The following DET1 variants were observed in gnomAD, a reference collection of about 807,000 sequenced individuals.
The protein encoded by DET1 is DET1 partner of COP1 E3 ubiquitin ligase.
DET1 carries 22 observed loss-of-function variants against 43.7 expected under a neutral mutation model. That is an observed-to-expected ratio of 0.50 (90% CI 0.36 to 0.72). The LOEUF is 0.72. Among genes scored for constraint, DET1 ranks in the 30% least tolerant of loss-of-function variants. DET1 has a pLI of 0.00. For missense variants in DET1, 713 were observed against 713.3 expected, an observed-to-expected ratio of 1.00 and a Z score of 0.00; for synonymous variants, 315 against 266.2, an observed-to-expected ratio of 1.18 and a Z score of -1.79.
In DET1 at chr15:88,528,787, G is replaced by A. The variant is rs963522143; in HGVS notation, c.1084-1001C>T. Reference sequence around the variant, plus strand: ...TAAATCTCCATTACCAATTTCTGGAGCCATTCGACCCACCTGTTTTACTAG... The same window carrying A: ...TAAATCTCCATTACCAATTTCTGGAACCATTCGACCCACCTGTTTTACTAG... On this transcript the variant is annotated intron_variant, in intron 2 of 4. Coordinates refer to ENST00000268148, the MANE Select transcript of DET1 (RefSeq NM_001144074.3). Among the ~76,000 whole-genome samples, 16 of 152,208 alleles carry A rather than the reference G, an allele frequency of 1.1e-4. 1 individual carries two copies. Among genetic ancestry groups the A allele is most frequent in the Non-Finnish European group, 2.9e-5 (2 of 68,040 alleles).
chr15:88,527,893 A>AAACAACAACAAC (rs3217481), intron 2 of DET1, 107 bp from the exon 3 acceptor site: 2 of 461,050 alleles, frequency 4.3e-6, no homozygotes, highest in Non-Finnish European at 7.1e-6. Flanking sequence ...AATTTTCCAA[A>AAACAACAACAAC]AACAACAACA....
At chr15:88,522,517 T>A (rs2056522379) in intron 3 of DET1, among the ~76,000 whole-genome samples, 1 of 136,608 alleles carries the variant, frequency 7.3e-6, no homozygotes, top group African/African-American at 2.8e-5. Context: ...TCCTGGTTTT[T>A]TTTTTTTTTT....
intron 1 of DET1, among the ~76,000 whole-genome samples, chr15:88,533,330 G>T (rs139868907): frequency 1.7e-3 from 255 of 152,320 alleles, no homozygotes; most frequent in African/African-American, 5.9e-3. Flanking sequence ...CTTGTGCATT[G>T]TTGGTGGAAC....
At chr15:88,523,113 C>T (rs1187099944) in intron 3 of DET1, among the ~76,000 whole-genome samples, 2 of 151,288 alleles carry the variant, frequency 1.3e-5, no homozygotes, top group East Asian at 2.0e-4. Flanking sequence ...TGAGCTCAAG[C>T]GATCAGTCCA....
intron 1 of DET1, among the ~76,000 whole-genome samples, chr15:88,543,561 G>A (rs983631326): frequency 2.6e-5 from 4 of 152,226 alleles, no homozygotes; most frequent in African/African-American, 4.8e-5. Flanking sequence ...ACGCCGCTGT[G>A]TTCACAGATG....
chr15:88,525,987 A>G (rs2056653465), intron 3 of DET1, among the ~76,000 whole-genome samples: 1 of 152,046 alleles, frequency 6.6e-6, no homozygotes, highest in Non-Finnish European at 1.5e-5. Flanking sequence ...GTTACTTGTT[A>G]ATTATCTGCT....
chr15:88,511,356 C>T, downstream of DET1: 1 of 962,880 alleles, frequency 1.0e-6, no homozygotes, highest in South Asian at 4.8e-5. Context: ...CCCAATATCC[C>T]CTCAGTCTAC....
intron 7 of DET1, chr15:88,505,398 A>T (rs1004693657): frequency 6.6e-6 from 1 of 152,242 alleles, no homozygotes; most frequent in African/African-American, 2.4e-5. Flanking sequence ...TTTGTAAAAA[A>T]TCATGTTCAT....
chr15:88,531,146 G>T lies in DET1; in HGVS notation c.560C>A (p.Pro187His), dbSNP rs1339535400. The change falls in exon 2 of 5, where the codon CCT (proline) becomes CAT (histidine). Residue 187 changes from proline to histidine, a missense_variant. Coordinates refer to ENST00000268148, the MANE Select transcript of DET1 (RefSeq NM_001144074.3). The surrounding 1 kb of genome is among the most constrained non-coding windows in gnomAD (Gnocchi z 6.2). The part of the protein sequence containing the change: ...SESVTPNPRS[P>H]LEDYSLHIID... ...GATATGGAGGGAATAGTCTTCTAGA[G>T]GGGACCGTGGGTTGGGGGTCACTGA... is the stretch of plus-strand genomic sequence containing the variant. 1 of 1,613,978 alleles carries T rather than the reference G, an allele frequency of 6.2e-7. No homozygotes were observed. The highest frequency in any genetic ancestry group is 1.7e-5 in the Admixed American group (1 of 60,034).
In DET1 at chr15:88,516,918, G is replaced by A. The variant is rs2056359848; in HGVS notation, c.1327C>T (p.Arg443Trp). Residue 443 changes from arginine (R) to tryptophan (W), a missense_variant, in exon 4 of 5, where the codon CGG (arginine) becomes TGG (tryptophan). Physicochemically the swap from Arg to Trp is moderately radical, Grantham distance 101 (BLOSUM62 -3). Transcript: ENST00000268148. This position sits in a 1 kb window ranked among gnomAD's most constrained non-coding sequence, Gnocchi z 4.4. ...CTGATGGGGAGCTGACCCAGCAGCCGGCGTACTGCCTCTGTGTGCCCTCCA... is the reference window on the plus strand; with the variant it reads ...CTGATGGGGAGCTGACCCAGCAGCCAGCGTACTGCCTCTGTGTGCCCTCCA... ...KYGGHTEAVRRLLGQLPISAQ... is the reference protein window; with the variant it reads ...KYGGHTEAVRWLLGQLPISAQ... The A allele has an allele frequency of 1.9e-6, 3 of 1,608,890 alleles. No individual in the cohort carries two copies. The highest frequency in any genetic ancestry group is 1.3e-5 in the African/African-American group (1 of 74,768).
At chr15:88,538,684 T>G (rs1363260097) in intron 1 of DET1, among the ~76,000 whole-genome samples, 1 of 151,114 alleles carries the variant, frequency 6.6e-6, no homozygotes, top group South Asian at 2.1e-4. Flanking sequence ...TGGGTGAGAG[T>G]TGGTCTTGCT....
chr15:88,519,377 C>T (rs1439800683), intron 3 of DET1, among the ~76,000 whole-genome samples: 3 of 152,184 alleles, frequency 2.0e-5, no homozygotes, highest in Non-Finnish European at 4.4e-5. Context: ...CTGCTAGTTC[C>T]TTGACCTCCT....
rs1403983630 is a variant in DET1, at chr15:88,504,419, GCTGACTA to G, written c.*2066-439_*2066-433del. 44 of 152,284 alleles carry G rather than the reference GCTGACTA, an allele frequency of 2.9e-4. No individual in the cohort carries two copies. Among genetic ancestry groups the G allele is most frequent in the African/African-American group, 9.4e-4 (39 of 41,544 alleles). The allele number at this position is 152,284 out of a possible 1,614,324, so 9.4% of individuals were successfully genotyped here. ...AGGGTCACTGTAGGCCATCTTAGAG[GCTGACTA>G]CCACAATCTGTCACTCTAAGAACAA... On this transcript the variant is annotated intron_variant and NMD_transcript_variant, in intron 7 of 8. Coordinates refer to the DET1 transcript ENST00000557842. The surrounding 1 kb of genome is among the most constrained non-coding windows in gnomAD (Gnocchi z 4.7).
At chr15:88,527,439 G>A (rs1332961228) in intron 3 of DET1, among the ~76,000 whole-genome samples, 160 bp downstream of exon 3, 1 of 152,228 alleles carries the variant, frequency 6.6e-6, no homozygotes, top group Non-Finnish European at 1.5e-5. Context: ...TACAGGTGCT[G>A]AGACAGAAAG....
rs2056821925 is a variant in DET1, at chr15:88,531,753, AC to A, written c.-10-39del. On this transcript the variant is annotated intron_variant, in intron 1 of 4. Coordinates refer to ENST00000268148, the MANE Select transcript of DET1 (RefSeq NM_001144074.3). This position sits in a 1 kb window ranked among gnomAD's most constrained non-coding sequence, Gnocchi z 6.2. ...GTAAAGCAGAAGTCAAGAAAGTGAA[AC>A]AGAATTTACCAAAATATAAATATAT... is the stretch of plus-strand genomic sequence containing the variant. The A allele has an allele frequency of 6.5e-7, 1 of 1,542,870 alleles. No homozygotes were observed. The highest frequency in any genetic ancestry group is 8.8e-7 in the Non-Finnish European group (1 of 1,142,034).
intron 3 of DET1, among the ~76,000 whole-genome samples, chr15:88,517,775 C>G (rs932656227): frequency 2.6e-5 from 4 of 152,126 alleles, no homozygotes; most frequent in East Asian, 1.9e-4. Context: ...ATTACGCATT[C>G]TTTGTTTGTT....
intron 1 of DET1, among the ~76,000 whole-genome samples, chr15:88,543,241 G>A (rs2057159149): frequency 6.6e-6 from 1 of 152,176 alleles, no homozygotes; most frequent in African/African-American, 2.4e-5. Flanking sequence ...TAAGAGGCTG[G>A]ATCCTGTGGC....
intron 3 of DET1, among the ~76,000 whole-genome samples, chr15:88,519,408 CCA>C (rs1393841983): frequency 6.6e-6 from 1 of 152,176 alleles, no homozygotes; most frequent in Non-Finnish European, 1.5e-5. Flanking sequence ...ACTGCTTATT[CCA>C]CAGTCACACC....
In DET1 at chr15:88,512,901, G is replaced by A. The variant is rs751121615; in HGVS notation, c.*50C>T. 4.4e-6 allele frequency: 7 copies of A among 1,597,158 alleles called. No homozygotes were observed. The African/African-American group carries it at 8.0e-5, about 18-fold the overall frequency. Reference sequence around the variant, plus strand: ...TTTGCTTTGGAGTCCACTGAGATAAGTGAGTGGCAAAGTCTTGGAAGACCA... The same window carrying A: ...TTTGCTTTGGAGTCCACTGAGATAAATGAGTGGCAAAGTCTTGGAAGACCA... On this transcript the variant is annotated 3_prime_UTR_variant, in exon 5 of 5. Coordinates refer to ENST00000268148, the MANE Select transcript of DET1 (RefSeq NM_001144074.3).
Sources: allele counts gnomAD v4.1 joint callset (sites outside exome capture counted in the v4.1 genomes callset), GRCh38; gene constraint gnomAD v4.1.1; non-coding constraint Gnocchi (gnomAD v3.1); transcripts MANE v1.5; gene names NCBI Gene and HGNC (gene_info 2026-07-23, HGNC 2026-07-21).